Variants in TMEM132D observed in about 807,000 individuals in gnomAD.
The protein encoded by TMEM132D is transmembrane protein 132D, also known as mature OL transmembrane protein.
Under a neutral mutation model 62.3 loss-of-function variants are expected in TMEM132D, and 21 were observed. The ratio of observed to expected loss-of-function variants is 0.34; its 90% confidence interval spans 0.24 to 0.49. The LOEUF is 0.49. Among genes scored for constraint, TMEM132D ranks in the 20% least tolerant of loss-of-function variants. The pLI, the probability that TMEM132D is intolerant of heterozygous loss-of-function variation, is 0.99. For synonymous variants in TMEM132D, 621 were observed against 575.6 expected, an observed-to-expected ratio of 1.08 and a Z score of -1.13; for missense variants, 1,346 against 1,402.8, an observed-to-expected ratio of 0.96 and a Z score of 0.65.
At chr12:129,628,470 C>G (rs1593096186) in intron 2 of TMEM132D, among the ~76,000 whole-genome samples, 2 of 152,254 alleles carry the variant, frequency 1.3e-5, no homozygotes, top group African/African-American at 4.8e-5. Flanking sequence ...CCCTGCTGAC[C>G]ATTAGGCAGG....
At chr12:129,323,185 C>A (rs1002094224) in intron 4 of TMEM132D, among the ~76,000 whole-genome samples, 3 of 152,110 alleles carry the variant, frequency 2.0e-5, no homozygotes, top group African/African-American at 7.2e-5. Flanking sequence ...AATGATACAG[C>A]TACCCATAAG....
chr12:129,500,075 C>A (rs1243712868), intron 3 of TMEM132D, among the ~76,000 whole-genome samples: 3 of 149,514 alleles, frequency 2.0e-5, no homozygotes, highest in African/African-American at 7.5e-5. Flanking sequence ...CCAATACATA[C>A]CCTGAGCGGG....
chr12:129,461,578 T>C (rs1237099748), intron 3 of TMEM132D, among the ~76,000 whole-genome samples: 1 of 152,152 alleles, frequency 6.6e-6, no homozygotes, highest in African/African-American at 2.4e-5. Flanking sequence ...CTTATTCATC[T>C]TCTTACAGGT....
chr12:129,626,580 C>A (rs574868982), intron 2 of TMEM132D, among the ~76,000 whole-genome samples: 7 of 152,058 alleles, frequency 4.6e-5, no homozygotes, highest in Non-Finnish European at 8.8e-5. Context: ...ACCTCAGACT[C>A]CCGAGTAGCT....
chr12:129,867,216 T>C lies in TMEM132D; in HGVS notation c.79+36045A>G, dbSNP rs562919261. Among the ~76,000 whole-genome samples, 1 of 152,158 alleles carries C rather than the reference T, an allele frequency of 6.6e-6. No individual in the cohort carries two copies. The highest frequency in any genetic ancestry group is 2.1e-4 in the South Asian group (1 of 4,824). On this transcript the variant is annotated intron_variant, in intron 1 of 8. Coordinates refer to ENST00000422113, the MANE Select transcript of TMEM132D (RefSeq NM_133448.3). This position sits in a 1 kb window ranked among gnomAD's most constrained non-coding sequence, Gnocchi z 4.5. Reference sequence around the variant, plus strand: ...CAGAAGTTGCAGTGAGCTAAGATCATGCCACTGCACTCCAGCCTGGGTGAC... The same window carrying C: ...CAGAAGTTGCAGTGAGCTAAGATCACGCCACTGCACTCCAGCCTGGGTGAC...
intron 2 of TMEM132D, among the ~76,000 whole-genome samples, chr12:129,583,606 C>G (rs937917020): frequency 6.6e-6 from 1 of 152,172 alleles, no homozygotes. Context: ...AGCTTGCACT[C>G]CAGTGAGAAC....
At chr12:129,852,638 AG>A (rs1467310685) in intron 1 of TMEM132D, 3 of 152,220 alleles carry the variant, frequency 2.0e-5, no homozygotes, top group Non-Finnish European at 4.4e-5. Flanking sequence ...TTGTGTATTT[AG>A]GGGGCAGAGA....
chr12:129,733,355 G>A (rs901204972), intron 1 of TMEM132D, among the ~76,000 whole-genome samples: 2 of 152,134 alleles, frequency 1.3e-5, no homozygotes, highest in African/African-American at 2.4e-5. Context: ...AGGTCACCCA[G>A]CTGGTGACAG....
intron 3 of TMEM132D, among the ~76,000 whole-genome samples, chr12:129,425,477 C>T (rs1171982598): frequency 1.3e-5 from 2 of 151,022 alleles, no homozygotes; most frequent in South Asian, 2.1e-4. Context: ...CCTGACTTTA[C>T]GTTAATTGAC....
intron 5 of TMEM132D, among the ~76,000 whole-genome samples, chr12:129,180,468 T>C (rs573822429): frequency 6.6e-6 from 1 of 152,332 alleles, no homozygotes; most frequent in African/African-American, 2.4e-5. Flanking sequence ...TGTTCAATGT[T>C]ACCTACTGAG....
rs143218514 is a variant in TMEM132D, at chr12:129,078,644, C to A, written c.2005G>T (p.Gly669Trp). ...GACAGCCCTGTCACCAGCTGCACCC[C>A]GAGGTCTGTGATGGTCACCTTCTCG... ...LDEKVTITDL[G>W]VQLVTGLSLS... Residue 669 changes from glycine to tryptophan, a missense_variant, in exon 8 of 9, where the codon GGG (glycine) becomes TGG (tryptophan). Gly to Trp is a radical substitution (Grantham distance 184). Coordinates refer to ENST00000422113, the MANE Select transcript of TMEM132D (RefSeq NM_133448.3). The A allele has an allele frequency of 1.2e-6, 2 of 1,614,140 alleles. No individual in the cohort carries two copies. The highest frequency in any genetic ancestry group is 4.5e-5 in the East Asian group (2 of 44,868).
chr12:129,311,040 T>C (rs1881961275), intron 4 of TMEM132D, among the ~76,000 whole-genome samples: 2 of 96,426 alleles, frequency 2.1e-5, no homozygotes, highest in South Asian at 3.8e-4. Context: ...CTACTAAAAA[T>C]ACAAAAAATT....
intron 3 of TMEM132D, among the ~76,000 whole-genome samples, chr12:129,409,056 C>G (rs941936541): frequency 6.6e-6 from 1 of 152,134 alleles, no homozygotes; most frequent in East Asian, 1.9e-4. Context: ...CCTCAGCCCC[C>G]CAAGTAGCTG....
At chr12:129,669,484 C>A (rs1278060952) in intron 2 of TMEM132D, among the ~76,000 whole-genome samples, 1 of 152,130 alleles carries the variant, frequency 6.6e-6, no homozygotes, top group Non-Finnish European at 1.5e-5. Flanking sequence ...GTGGGCAGAT[C>A]ACCTGAGATC....
chr12:129,899,128 GA>G (rs1488831575), intron 1 of TMEM132D, among the ~76,000 whole-genome samples: 93 of 150,728 alleles, frequency 6.2e-4, no homozygotes, highest in African/African-American at 1.4e-3. Flanking sequence ...TGGATGGAAT[GA>G]TGAATGGATG....
intron 3 of TMEM132D, among the ~76,000 whole-genome samples, chr12:129,369,231 A>T (rs1870519090): frequency 6.6e-6 from 1 of 152,224 alleles, no homozygotes; most frequent in East Asian, 1.9e-4. Context: ...ACCTGCCAAA[A>T]TACAGGAAAC....
chr12:129,500,309 C>T (rs1875098269), intron 3 of TMEM132D, among the ~76,000 whole-genome samples: 1 of 151,600 alleles, frequency 6.6e-6, no homozygotes, highest in African/African-American at 2.4e-5. Flanking sequence ...TTCACCTGAC[C>T]TCATCTGTCC....
chr12:129,105,349 C>G (rs1028335887), intron 5 of TMEM132D, among the ~76,000 whole-genome samples: 1 of 135,720 alleles, frequency 7.4e-6, no homozygotes, highest in African/African-American at 2.9e-5. Context: ...ACAATGAGAA[C>G]ACATGGACAA....
intron 5 of TMEM132D, among the ~76,000 whole-genome samples, chr12:129,162,895 T>G (rs1004394556): frequency 6.6e-6 from 1 of 152,220 alleles, no homozygotes; most frequent in African/African-American, 2.4e-5. Context: ...ACACAATCTG[T>G]CATTGTGCCG....
Sources: allele counts gnomAD v4.1 joint callset (sites outside exome capture counted in the v4.1 genomes callset), GRCh38; gene constraint gnomAD v4.1.1; non-coding constraint Gnocchi (gnomAD v3.1); transcripts MANE v1.5; gene names NCBI Gene and HGNC (gene_info 2026-07-23, HGNC 2026-07-21).